Variants in CA5B observed in about 807,000 individuals in gnomAD.
The protein encoded by CA5B is carbonic anhydrase 5B, mitochondrial.
A neutral mutation model predicts 23.1 loss-of-function variants in CA5B; 15 were observed. That is an observed-to-expected ratio of 0.65 (90% CI 0.43 to 1.00). CA5B has a LOEUF of 1.00. Ranked by LOEUF, CA5B falls within the 50% of genes least tolerant of loss-of-function variation. The probability of loss-of-function intolerance (pLI) is 0.00; values close to 1 mark genes in which losing one functional copy is unlikely to be tolerated. For synonymous variants in CA5B, 84 were observed against 98.5 expected (o/e 0.85, Z 0.87); for missense variants, 236 against 252.2 (o/e 0.94, Z 0.43).
intron 7 of CA5B, among the ~76,000 whole-genome samples, chrX:15,781,484 A>G (rs1316472873): frequency 1.8e-5 from 2 of 112,195 alleles, no homozygotes; most frequent in South Asian, 7.4e-4. Context: ...CCTCAGTTAC[A>G]CTGGCCACAT....
At chrX:15,748,458 G>T (rs768667490) in intron 1 of CA5B, among the ~76,000 whole-genome samples, 2 of 111,637 alleles carry the variant, frequency 1.8e-5, no homozygotes, top group Admixed American at 9.5e-5. Context: ...GCACCATCAA[G>T]ATAATCCCTT....
chrX:15,739,672 C>T (rs946271538), intron 1 of CA5B, among the ~76,000 whole-genome samples: 23 of 111,449 alleles, frequency 2.1e-4, no homozygotes, highest in African/African-American at 7.5e-4. Context: ...GGGGAAAATG[C>T]ATTTCATCTG....
chrX:15,749,788 C>G (rs1196376894), intron 1 of CA5B, 183 bp from the exon 2 acceptor site: 1 of 360,910 alleles, frequency 2.8e-6, no homozygotes, highest in East Asian at 4.3e-5. Context: ...TCCCTGCCCT[C>G]CACTGAGGGG....
Position 15,772,558 on chromosome X carries a change from G to A in CA5B, c.403G>A (p.Ala135Thr). 8.3e-7 allele frequency: 1 copy of A among 1,207,894 alleles called. No homozygotes were observed. Among genetic ancestry groups the A allele is most frequent in the Non-Finnish European group, 1.1e-6 (1 of 892,690 alleles). ...RLKQFHFHWG[A>T]IDAWGSEHTV... ...GAAGCAGTTCCATTTTCACTGGGGG[G>A]CCATCGATGCCTGGGGTTCTGAGCA... Residue 135 changes from alanine to threonine, a missense_variant, in exon 4 of 8, where the codon GCC (alanine) becomes ACC (threonine). Ala to Thr is a moderately conservative substitution (Grantham distance 58). Around this residue, in one of 3 missense-constraint regions of CA5B, gnomAD observed 170 missense variants for 162.0 expected, o/e 1.05. Coordinates refer to ENST00000318636, the MANE Select transcript of CA5B (RefSeq NM_007220.4).
chrX:15,759,431 T>C (rs1931555824), intron 2 of CA5B, among the ~76,000 whole-genome samples: 1 of 111,577 alleles, frequency 9.0e-6, no homozygotes, highest in Non-Finnish European at 1.9e-5. Context: ...CCTTGTACCA[T>C]GTGAAGACAG....
intron 5 of CA5B, among the ~76,000 whole-genome samples, chrX:15,774,921 T>C (rs1458775122): frequency 8.9e-6 from 1 of 112,550 alleles, no homozygotes; most frequent in Non-Finnish European, 1.9e-5. Flanking sequence ...CATGTGGCAA[T>C]TGAGCACTTG....
In CA5B at chrX:15,786,779, C is replaced by T. The variant is rs1427160001; in HGVS notation, c.*4115C>T. ...AGAAGCAACAATGGGAAGAAGCAGC[C>T]GATCCTCCTCAGTGCACCTTTTTCT... is the stretch of plus-strand genomic sequence containing the variant. On this transcript the variant is annotated 3_prime_UTR_variant, in exon 8 of 8. Transcript: ENST00000318636. The T allele has an allele frequency of 1.8e-5, 2 of 111,581 alleles. No individual in the cohort carries two copies. Among genetic ancestry groups the T allele is most frequent in the African/African-American group, 3.3e-5 (1 of 30,632 alleles). 9.2% of individuals were successfully genotyped at this position (111,581 alleles called of 1,213,427 possible). A position where few individuals can be genotyped will look rare whatever the true frequency, so the allele number is the denominator to read the frequency against.
At position 15,776,794 on chromosome X, in the gene CA5B, T is replaced by C; in HGVS notation, c.699T>C (p.Ser233=). The change falls in exon 7 of 8, where the codon TCT becomes TCC. Residue 233 remains serine (S), a synonymous_variant. Transcript: ENST00000318636. ...TCPDYWTYSG[S]LTTPPLSESV... ...CAGATTACTGGACCTACTCAGGGTC[T>C]CTGACTACCCCACCCCTCTCCGAGT... is the stretch of plus-strand genomic sequence containing the variant. 8.3e-7 allele frequency: 1 copy of C among 1,208,446 alleles called. No homozygotes were observed. The highest frequency in any genetic ancestry group is 1.1e-6 in the Non-Finnish European group (1 of 892,310).
intron 7 of CA5B, among the ~76,000 whole-genome samples, chrX:15,777,662 C>T (rs926622299): frequency 8.9e-6 from 1 of 112,127 alleles, no homozygotes; most frequent in Admixed American, 9.5e-5. Context: ...AAGTATGGTT[C>T]ATGTTAAGAA....
chrX:15,771,466 A>G (rs1184759947), intron 3 of CA5B, among the ~76,000 whole-genome samples: 2 of 108,331 alleles, frequency 1.8e-5, no homozygotes, highest in Non-Finnish European at 3.8e-5. Context: ...TCGGTCTGTC[A>G]CTCAGGCTGG....
chrX:15,775,806 C>T (rs773252379), intron 6 of CA5B: 58 of 736,439 alleles, frequency 7.9e-5, no homozygotes, highest in Non-Finnish European at 9.3e-5. Flanking sequence ...TCTTCTTCTC[C>T]CTCTCATCCC....
Position 15,783,181 on chromosome X carries a change from G to T in CA5B, c.*517G>T, listed in dbSNP as rs1200667724. The T allele has an allele frequency of 8.9e-6, 1 of 112,620 alleles. No homozygotes were observed. Among genetic ancestry groups the T allele is most frequent in the Non-Finnish European group, 1.9e-5 (1 of 53,472 alleles). The allele number at this position is 112,620 out of a possible 1,213,427, so 9.3% of individuals were successfully genotyped here. A position where few individuals can be genotyped will look rare whatever the true frequency, so the allele number is the denominator to read the frequency against. ...GGCACAGACACTGACCAGAACTCAG[G>T]CCTTGCAGAAACAGCCTATGGGCCC... On this transcript the variant is annotated 3_prime_UTR_variant, in exon 8 of 8. Transcript: ENST00000318636.
chrX:15,771,350 G>A (rs1411700830), intron 3 of CA5B, among the ~76,000 whole-genome samples: 1 of 86,825 alleles, frequency 1.2e-5, no homozygotes, highest in Non-Finnish European at 2.3e-5. Context: ...CAGCTTGGGC[G>A]ACAGACTAAG....
At chrX:15,748,372 C>T (rs750588246) in intron 1 of CA5B, among the ~76,000 whole-genome samples, 21 of 111,489 alleles carry the variant, frequency 1.9e-4, no homozygotes, top group Admixed American at 3.8e-4. Flanking sequence ...GAAAACCTTA[C>T]TGAGGACTCC....
At chrX:15,744,396 A>G (rs1005406653) in intron 1 of CA5B, among the ~76,000 whole-genome samples, 2 of 112,392 alleles carry the variant, frequency 1.8e-5, no homozygotes, top group African/African-American at 6.5e-5. Flanking sequence ...GTGTTCACTC[A>G]TCTGTTTGTA....
intron 1 of CA5B, among the ~76,000 whole-genome samples, chrX:15,747,177 G>T (rs913850667): frequency 3.2e-4 from 36 of 111,923 alleles, no homozygotes; most frequent in African/African-American, 1.2e-3. Context: ...AGATGGAGTT[G>T]ATTAGGTCTG....
intron 1 of CA5B, 148 bp from the exon 2 acceptor site, chrX:15,749,823 T>G: frequency 2.4e-6 from 1 of 410,221 alleles, no homozygotes; most frequent in Non-Finnish European, 4.1e-6. Context: ...GGAACAAGAG[T>G]GGATAAACCG....
intron 6 of CA5B, chrX:15,775,958 CCT>C (rs1931915167): frequency 1.3e-6 from 1 of 748,769 alleles, no homozygotes; most frequent in South Asian, 6.9e-5. Context: ...CCTGTTTTTC[CCT>C]CTCTTTCCTT....
chrX:15,774,333 T>A lies in CA5B; in HGVS notation c.491T>A (p.Phe164Tyr). The change falls in exon 5 of 8, where the codon TTT (phenylalanine) becomes TAT (tyrosine). Residue 164 changes from phenylalanine to tyrosine, a missense_variant. Physicochemically the swap from Phe to Tyr is conservative, Grantham distance 22 (BLOSUM62 3). Transcript: ENST00000318636. ...LHLVHWNAVR[F>Y]ENFEDAALEE... ...TTAGTGCATTGGAACGCAGTCAGAT[T>A]TGAAAACTTTGAGGATGCAGCACTG... The A allele has an allele frequency of 8.3e-7, 1 of 1,210,406 alleles. No homozygotes were observed. The highest frequency in any genetic ancestry group is 1.1e-6 in the Non-Finnish European group (1 of 895,008).
Sources: allele counts gnomAD v4.1 joint callset (sites outside exome capture counted in the v4.1 genomes callset), GRCh38; gene constraint gnomAD v4.1.1; regional missense constraint gnomAD v4.1.1; transcripts MANE v1.5; gene names NCBI Gene and HGNC (gene_info 2026-07-23, HGNC 2026-07-21).